The following LRRC7 variants were observed in gnomAD, a reference collection of about 807,000 sequenced individuals.
LRRC7 encodes leucine-rich repeat-containing protein 7.
A neutral mutation model predicts 175.7 loss-of-function variants in LRRC7; 23 were observed. That is an observed-to-expected ratio of 0.13 (90% CI 0.09 to 0.19). The LOEUF is 0.19. Among genes scored for constraint, LRRC7 ranks in the 10% least tolerant of loss-of-function variants. LRRC7 has a pLI of 1.00. For synonymous variants in LRRC7, 685 were observed against 680.9 expected, an observed-to-expected ratio of 1.01 and a Z score of -0.09; for missense variants, 1,354 against 1,904.7, an observed-to-expected ratio of 0.71 and a Z score of 5.38.
At chr1:69,622,744 T>C (rs979033589) in intron 1 of LRRC7, among the ~76,000 whole-genome samples, 3 of 152,148 alleles carry the variant, frequency 2.0e-5, no homozygotes, top group African/African-American at 7.2e-5. Context: ...TATGTGTTGC[T>C]TTTCCAAGGA....
intron 8 of LRRC7, among the ~76,000 whole-genome samples, chr1:69,952,397 C>G (rs1650031969): frequency 6.6e-6 from 1 of 151,818 alleles, no homozygotes; most frequent in South Asian, 2.1e-4. Flanking sequence ...ATGACATTTC[C>G]CCATGAGAGT....
rs963275651 is a variant in LRRC7 at position 70,123,460 on chromosome 1, T to A, written c.*1573T>A. On this transcript the variant is annotated 3_prime_UTR_variant, in exon 27 of 27. Coordinates refer to ENST00000651989, the MANE Select transcript of LRRC7 (RefSeq NM_001370785.2). ...TTGAAAATATTGTATTTTTGTAGGG[T>A]CTATTAAAATGAGTGTCACTTATTA... The A allele has an allele frequency of 1.1e-4, 17 of 152,156 alleles. No homozygotes were observed. The highest frequency in any genetic ancestry group is 3.9e-4 in the African/African-American group (16 of 41,438). The allele number at this position is 152,156 out of a possible 1,614,324, so 9.4% of individuals were successfully genotyped here.
intron 1 of LRRC7, among the ~76,000 whole-genome samples, chr1:69,578,564 T>C (rs1233073417): frequency 7.3e-5 from 11 of 150,252 alleles, no homozygotes. Context: ...AATGATAGAC[T>C]GGATTAAGAA....
At chr1:69,848,716 A>G (rs1682643342) in intron 7 of LRRC7, among the ~76,000 whole-genome samples, 1 of 152,048 alleles carries the variant, frequency 6.6e-6, no homozygotes, top group African/African-American at 2.4e-5. Flanking sequence ...ACATCTTTAA[A>G]AAGCTCGCTT....
rs541849872 is a variant in LRRC7, at chr1:70,131,618, T to C, written c.*9731T>C. ...AAAGAGAACTTGATAACTATCAAGT[T>C]AATTATGTCTTCTTCTCATAAAATT... On this transcript the variant is annotated 3_prime_UTR_variant, in exon 27 of 27. Transcript: ENST00000651989. 6.6e-6 allele frequency among the ~76,000 whole-genome samples: 1 copy of C among 152,222 alleles called. No homozygotes were observed. The highest frequency in any genetic ancestry group is 1.5e-5 in the Non-Finnish European group (1 of 68,034).
chr1:70,106,779 T>C (rs1457365346), intron 25 of LRRC7, among the ~76,000 whole-genome samples: 2 of 152,218 alleles, frequency 1.3e-5, no homozygotes, highest in South Asian at 2.1e-4. Flanking sequence ...CACTCACTTA[T>C]GTGCTGTCCC....
chr1:69,707,592 G>A (rs1490125548), intron 2 of LRRC7, among the ~76,000 whole-genome samples: 2 of 152,172 alleles, frequency 1.3e-5, no homozygotes, highest in Non-Finnish European at 1.5e-5. Context: ...ACCTGATAAA[G>A]ATATAATCTC....
In LRRC7 at chr1:70,028,798, C is replaced by T. The variant is rs1172297771; in HGVS notation, c.1995+427C>T. On this transcript the variant is annotated intron_variant, in intron 18 of 26. Transcript: ENST00000651989. ...TTAAAATGTTTTTATCTTTGGGTTA[C>T]AACTTTTCTAGGAAACACCGATTAA... is the stretch of plus-strand genomic sequence containing the variant. Among the ~76,000 whole-genome samples the T allele has an allele frequency of 3.8e-4, 58 of 152,062 alleles. 1 individual carries two copies. The highest frequency in any genetic ancestry group is 3.7e-3 in the Admixed American group (56 of 15,256).
At chr1:69,629,164 A>G (rs1448559024) in intron 1 of LRRC7, among the ~76,000 whole-genome samples, 1 of 152,170 alleles carries the variant, frequency 6.6e-6, no homozygotes. Flanking sequence ...GAAACTGTCA[A>G]GAGAATTAGG....
chr1:69,690,606 C>T (rs893608393), intron 2 of LRRC7, among the ~76,000 whole-genome samples: 13 of 152,150 alleles, frequency 8.5e-5, no homozygotes, highest in Non-Finnish European at 1.8e-4. Context: ...TTCCCTGATG[C>T]CTCTCCTCCT....
In LRRC7 at chr1:69,579,597, ATGT is replaced by A. The variant is rs1646108060; in HGVS notation, c.2+10960_2+10962del. Among the ~76,000 whole-genome samples, 4 of 152,240 alleles carry A rather than the reference ATGT, an allele frequency of 2.6e-5. No homozygotes were observed. The South Asian group carries it at 8.3e-4, about 32-fold the overall frequency. On this transcript the variant is annotated intron_variant, in intron 1 of 26. Coordinates refer to ENST00000651989, the MANE Select transcript of LRRC7 (RefSeq NM_001370785.2). Reference sequence around the variant, plus strand: ...CACAGCCTGGTGCAGAAAAAGATGCATGTTGTGTGAATGACTGTTTCAATGAAT... The same window carrying A: ...CACAGCCTGGTGCAGAAAAAGATGCATGTGTGAATGACTGTTTCAATGAAT...
chr1:69,594,342 A>C (rs998367713), intron 1 of LRRC7, among the ~76,000 whole-genome samples: 1 of 152,188 alleles, frequency 6.6e-6, no homozygotes, highest in East Asian at 1.9e-4. Context: ...ATGTACCATT[A>C]ATTTATTATC....
intron 2 of LRRC7, among the ~76,000 whole-genome samples, chr1:69,717,928 A>AAAG (rs1557641941): frequency 5.4e-5 from 3 of 55,982 alleles, no homozygotes; most frequent in South Asian, 6.7e-4. Context: ...AGAAAAAAAG[A>AAAG]AAAGAAAGAA....
At chr1:69,909,995 T>A (rs1235584887) in intron 7 of LRRC7, among the ~76,000 whole-genome samples, 1 of 152,212 alleles carries the variant, frequency 6.6e-6, no homozygotes, top group Admixed American at 6.5e-5. Context: ...TCTCTAAACT[T>A]CCCTTCTTGC....
At chr1:70,020,083 G>A (rs1313386521) in intron 15 of LRRC7, among the ~76,000 whole-genome samples, 1 of 151,764 alleles carries the variant, frequency 6.6e-6, no homozygotes, top group Non-Finnish European at 1.5e-5. Flanking sequence ...TTTTTTCTTT[G>A]AGAAAAGAAA....
At chr1:69,801,996 T>A (rs1292045109) in intron 4 of LRRC7, among the ~76,000 whole-genome samples, 1 of 151,482 alleles carries the variant, frequency 6.6e-6, no homozygotes, top group Non-Finnish European at 1.5e-5. Context: ...TTCAGGGGTA[T>A]ATTGTTTAAT....
rs955314014 is a variant in LRRC7 at position 70,134,967 on chromosome 1, C to T, written c.*13080C>T. Among the ~76,000 whole-genome samples, 4 of 152,034 alleles carry T rather than the reference C, an allele frequency of 2.6e-5. No individual in the cohort carries two copies. Among genetic ancestry groups the T allele is most frequent in the African/African-American group, 9.7e-5 (4 of 41,376 alleles). ...CATCTTTTTTATTCCTTCTATTTTCCATAACCTTTTAATGATAGGTTTAGT... is the reference window on the plus strand; with the variant it reads ...CATCTTTTTTATTCCTTCTATTTTCTATAACCTTTTAATGATAGGTTTAGT... On this transcript the variant is annotated 3_prime_UTR_variant, in exon 27 of 27. Coordinates refer to ENST00000651989, the MANE Select transcript of LRRC7 (RefSeq NM_001370785.2).
At chr1:69,677,113 C>G (rs1278835366) in intron 1 of LRRC7, among the ~76,000 whole-genome samples, 1 of 137,702 alleles carries the variant, frequency 7.3e-6, no homozygotes, top group Non-Finnish European at 1.6e-5. Flanking sequence ...TTATTTCATC[C>G]TTTTGTGGCT....
chr1:69,666,610 C>A (rs954186286), intron 1 of LRRC7, among the ~76,000 whole-genome samples: 4 of 151,884 alleles, frequency 2.6e-5, no homozygotes, highest in Non-Finnish European at 5.9e-5. Flanking sequence ...CATATACTTG[C>A]TCATAGTAAC....
Sources: allele counts gnomAD v4.1 joint callset (sites outside exome capture counted in the v4.1 genomes callset), GRCh38; gene constraint gnomAD v4.1.1; transcripts MANE v1.5; gene names NCBI Gene and HGNC (gene_info 2026-07-23, HGNC 2026-07-21).